MCF2L2: variants seen among roughly 807,000 people sequenced by gnomAD.
The protein encoded by MCF2L2 is probable guanine nucleotide exchange factor MCF2L2.
MCF2L2 carries 102 observed loss-of-function variants against 150.2 expected under a neutral mutation model. The ratio of observed to expected loss-of-function variants is 0.68; its 90% confidence interval spans 0.58 to 0.80. MCF2L2 has a LOEUF of 0.80. Ranked by LOEUF, MCF2L2 falls within the 30% of genes least tolerant of loss-of-function variation. The pLI is 0.00. For missense variants in MCF2L2, 1,256 were observed against 1,372.8 expected, an observed-to-expected ratio of 0.91 and a Z score of 1.34; for synonymous variants, 465 against 491.3, an observed-to-expected ratio of 0.95 and a Z score of 0.71.
In MCF2L2 at chr3:183,219,961, G is replaced by A; in HGVS notation, c.2302-37C>T. 3 of 1,444,072 alleles carry A rather than the reference G, an allele frequency of 2.1e-6. No individual in the cohort carries two copies. The South Asian group carries it at 3.5e-5, about 17-fold the overall frequency. 89.5% of individuals were successfully genotyped at this position (1,444,072 alleles called of 1,614,324 possible). The stretch of plus-strand genomic sequence containing the variant: ...CAAAAGTCTTGTTGAAAATTAAAAT[G>A]TACATTGCCATCAAAATGTAGATTG... On this transcript the variant is annotated intron_variant, in intron 20 of 29. Coordinates refer to ENST00000328913, the MANE Select transcript of MCF2L2 (RefSeq NM_015078.4).
At chr3:183,255,278 G>T (rs1276170049) in intron 15 of MCF2L2, among the ~76,000 whole-genome samples, 1 of 152,192 alleles carries the variant, frequency 6.6e-6, no homozygotes, top group East Asian at 1.9e-4. Flanking sequence ...CTGAAAGGGT[G>T]ATTAGTGATC....
At chr3:183,248,272 T>C (rs934396621) in intron 15 of MCF2L2, among the ~76,000 whole-genome samples, 6 of 152,188 alleles carry the variant, frequency 3.9e-5, no homozygotes, top group African/African-American at 1.2e-4. Flanking sequence ...CCACCAAGAC[T>C]GATTCATTAA....
Position 183,379,391 on chromosome 3 carries a change from C to T in MCF2L2, c.181G>A (p.Ala61Thr), listed in dbSNP as rs773032244. 3 of 1,609,686 alleles carry T rather than the reference C, an allele frequency of 1.9e-6. No individual in the cohort carries two copies. Among genetic ancestry groups the T allele is most frequent in the African/African-American group, 1.3e-5 (1 of 74,804 alleles). Residue 61 changes from alanine to threonine, a missense_variant, in exon 3 of 30, where the codon GCC becomes ACC. Coordinates refer to ENST00000328913, the MANE Select transcript of MCF2L2 (RefSeq NM_015078.4). The stretch of plus-strand genomic sequence containing the variant: ...AACTCTGGGAACGTGATGATGGGGG[C>T]GCCATCCTCCCCTCGGCCTCCTGCA... ...ILSGGRGEDG[A>T]PIITFPEFSG...
intron 15 of MCF2L2, among the ~76,000 whole-genome samples, chr3:183,250,754 A>G (rs73184914): frequency 6.6e-6 from 1 of 152,288 alleles, no homozygotes; most frequent in Non-Finnish European, 1.5e-5. Flanking sequence ...GAGATAGGGC[A>G]TCGTCTGAAT....
intron 15 of MCF2L2, among the ~76,000 whole-genome samples, chr3:183,242,499 C>T (rs1262152368): frequency 6.6e-6 from 1 of 152,198 alleles, no homozygotes; most frequent in Non-Finnish European, 1.5e-5. Flanking sequence ...CAAGGTACAG[C>T]TCAGGCCATT....
At chr3:183,357,519 G>C (rs148734730) in intron 3 of MCF2L2, among the ~76,000 whole-genome samples, 1 of 152,144 alleles carries the variant, frequency 6.6e-6, no homozygotes, top group Non-Finnish European at 1.5e-5. Context: ...CAGCACTGAC[G>C]TGACACCAAA....
At chr3:183,188,244 T>C (rs7622000) in intron 27 of MCF2L2, among the ~76,000 whole-genome samples, 17,485 of 152,138 alleles carry the variant, frequency 0.11, 2,927 homozygotes, top group African/African-American at 0.37. Context: ...CCAACTGCAG[T>C]GGCAGGTGGC....
chr3:183,262,723 G>A (rs1042092729), intron 15 of MCF2L2, among the ~76,000 whole-genome samples: 32 of 151,508 alleles, frequency 2.1e-4, no homozygotes, highest in African/African-American at 7.0e-4. Context: ...CAGGGTGGGG[G>A]GGACAGAGCC....
At chr3:183,261,221 T>C (rs1052390371) in intron 15 of MCF2L2, among the ~76,000 whole-genome samples, 1 of 152,188 alleles carries the variant, frequency 6.6e-6, no homozygotes, top group Admixed American at 6.5e-5. Flanking sequence ...AAATTATAGC[T>C]TTTCCAGTAA....
intron 5 of MCF2L2, among the ~76,000 whole-genome samples, chr3:183,323,817 A>T (rs1729916846): frequency 6.6e-6 from 1 of 151,164 alleles, no homozygotes; most frequent in Non-Finnish European, 1.5e-5. Flanking sequence ...AAAAGTTACT[A>T]TATCCAGCAG....
intron 21 of MCF2L2, 147 bp downstream of exon 21, chr3:183,219,709 T>C (rs1723074268): frequency 3.9e-6 from 2 of 511,456 alleles, no homozygotes; most frequent in Non-Finnish European, 6.9e-6. Context: ...TTTGTTTTTT[T>C]TCTTGACTGT....
chr3:183,386,139 G>C (rs1713818878), intron 2 of MCF2L2, among the ~76,000 whole-genome samples: 1 of 152,184 alleles, frequency 6.6e-6, no homozygotes, highest in South Asian at 2.1e-4. Flanking sequence ...CATGCTGAGT[G>C]AAACTTTTCT....
chr3:183,327,232 G>T (rs538066241), intron 5 of MCF2L2, among the ~76,000 whole-genome samples: 2 of 152,214 alleles, frequency 1.3e-5, no homozygotes, highest in South Asian at 4.2e-4. Context: ...GGCTGAGGCA[G>T]GAGAATCGCT....
chr3:183,248,791 C>T (rs1474369266), intron 15 of MCF2L2, among the ~76,000 whole-genome samples: 2 of 152,036 alleles, frequency 1.3e-5, no homozygotes, highest in African/African-American at 2.4e-5. Flanking sequence ...GAGCAGTGAC[C>T]GGCCATTGTA....
rs538190737 is a variant in MCF2L2 at position 183,208,755 on chromosome 3, TATG to T, written c.2497-935_2497-933del. Among the ~76,000 whole-genome samples, 178 of 152,360 alleles carry T rather than the reference TATG, an allele frequency of 1.2e-3. 1 individual carries two copies. Among genetic ancestry groups the T allele is most frequent in the African/African-American group, 4.2e-3 (174 of 41,578 alleles). ...GTGACCTCTAGCTGAGATCAATCCC[TATG>T]ATTTCTGAGTTAATACTGGAAATAT... On this transcript the variant is annotated intron_variant, in intron 22 of 29. Transcript: ENST00000328913.
rs1480806033 is a variant in MCF2L2 at position 183,193,067 on chromosome 3, C to G, written c.2948G>C (p.Trp983Ser). 8 of 1,613,950 alleles carry G rather than the reference C, an allele frequency of 5.0e-6. No homozygotes were observed. The highest frequency in any genetic ancestry group is 1.3e-5 in the African/African-American group (1 of 74,872). Residue 983 changes from tryptophan (W) to serine (S), a missense_variant, in exon 27 of 30, where the codon TGG (tryptophan) becomes TCG (serine). Physicochemically the swap from Trp to Ser is radical, Grantham distance 177. Transcript: ENST00000328913. ...GGTAGCTCTTTCCATATTTTTAATC[C>G]ATGGTCCGGATCCTGCTCCACTGCC... Reference protein sequence around the residue: ...SKGSGAGSGPWIKNMERATTS... With the variant: ...SKGSGAGSGPSIKNMERATTS...
At chr3:183,410,604 A>G (rs1342981711) in intron 1 of MCF2L2, among the ~76,000 whole-genome samples, 1 of 152,212 alleles carries the variant, frequency 6.6e-6, no homozygotes, top group Non-Finnish European at 1.5e-5. Flanking sequence ...ATGGTGCCCG[A>G]GCACCTAGGC....
intron 15 of MCF2L2, among the ~76,000 whole-genome samples, chr3:183,234,391 A>C (rs1723708354): frequency 6.6e-6 from 1 of 152,220 alleles, no homozygotes; most frequent in Non-Finnish European, 1.5e-5. Context: ...AATACAGGAA[A>C]ATATTCACAT....
chr3:183,338,355 G>C (rs1730567911), intron 5 of MCF2L2, among the ~76,000 whole-genome samples: 1 of 151,138 alleles, frequency 6.6e-6, no homozygotes, highest in Admixed American at 6.6e-5. Context: ...GCTGAGGCAG[G>C]AGAATCACTT....
Sources: allele counts gnomAD v4.1 joint callset (sites outside exome capture counted in the v4.1 genomes callset), GRCh38; gene constraint gnomAD v4.1.1; transcripts MANE v1.5; gene names NCBI Gene and HGNC (gene_info 2026-07-23, HGNC 2026-07-21).